The following CTDP1 variants were observed in gnomAD, a reference collection of about 807,000 sequenced individuals.
The protein encoded by CTDP1 is CTD phosphatase 1, also known as RNA polymerase II subunit A C-terminal domain phosphatase.
In CTDP1, 47 loss-of-function variants were observed where a neutral mutation model predicts 91.8. That is an observed-to-expected ratio of 0.51 (90% confidence interval 0.41 to 0.65). The LOEUF (loss-of-function observed/expected upper bound fraction) is 0.65, where lower values mean the gene tolerates loss of function less well. CTDP1 is among the 30% of genes least tolerant of loss of function. The pLI, the probability that CTDP1 is intolerant of heterozygous loss-of-function variation, is 0.00. For synonymous variants in CTDP1, 656 were observed against 598.5 expected, an observed-to-expected ratio of 1.10 and a Z score of -1.40; for missense variants, 1,272 against 1,373.7, an observed-to-expected ratio of 0.93 and a Z score of 1.17.
In CTDP1 at chr18:79,715,187, TGGA is replaced by T. The variant is rs3833180; in HGVS notation, c.1746_1748del (p.Glu582del). 112 of 1,602,662 alleles carry T rather than the reference TGGA, an allele frequency of 7.0e-5. No individual in the cohort carries two copies. The highest frequency in any genetic ancestry group is 3.1e-4 in the Admixed American group (18 of 58,848). On this transcript the variant is annotated inframe_deletion, in exon 8 of 13. Coordinates refer to ENST00000613122, the MANE Select transcript of CTDP1 (RefSeq NM_004715.5). ...GCGGGTGAGTCCCTGGACCAGAGCATGGAGGAGGAGGAGGAGGAGGACACGGAT... is the reference window on the plus strand; with the variant it reads ...GCGGGTGAGTCCCTGGACCAGAGCATGGAGGAGGAGGAGGAGGACACGGAT...
chr18:79,738,924 C>G (rs2086720700), intron 12 of CTDP1, among the ~76,000 whole-genome samples: 1 of 152,234 alleles, frequency 6.6e-6, no homozygotes, highest in East Asian at 1.9e-4. Flanking sequence ...CTTGGTTCTT[C>G]CCACATGAAT....
chr18:79,741,476 T>A (rs2086776970), intron 12 of CTDP1, among the ~76,000 whole-genome samples: 2 of 152,260 alleles, frequency 1.3e-5, no homozygotes, highest in African/African-American at 4.8e-5. Flanking sequence ...GGCAAGAAGA[T>A]GAGCTGGTCG....
intron 10 of CTDP1, among the ~76,000 whole-genome samples, chr18:79,722,926 C>T (rs1328516296): frequency 2.0e-5 from 3 of 152,190 alleles, no homozygotes; most frequent in Non-Finnish European, 4.4e-5. Context: ...AGGCCTCCAT[C>T]TTGGAGGAAC....
intron 5 of CTDP1, among the ~76,000 whole-genome samples, chr18:79,706,755 C>T (rs1046047364): frequency 2.0e-5 from 3 of 152,182 alleles, no homozygotes; most frequent in Admixed American, 1.3e-4. Flanking sequence ...CAGGATTGTT[C>T]GGTGAGGGAG....
At chr18:79,687,888 C>T (rs1202397579) in intron 1 of CTDP1, among the ~76,000 whole-genome samples, 5 of 152,190 alleles carry the variant, frequency 3.3e-5, no homozygotes, top group Admixed American at 2.6e-4. Context: ...TGGTGTGGTG[C>T]ACGTGGTGCC....
chr18:79,719,075 C>T (rs1204966957), intron 10 of CTDP1, among the ~76,000 whole-genome samples: 1 of 152,220 alleles, frequency 6.6e-6, no homozygotes, highest in South Asian at 2.1e-4. Context: ...AGCTCCCGAA[C>T]CTGGGTGGAC....
At chr18:79,724,160 T>G (rs1190061515) in intron 10 of CTDP1, among the ~76,000 whole-genome samples, 1 of 152,232 alleles carries the variant, frequency 6.6e-6, no homozygotes, top group Non-Finnish European at 1.5e-5. Context: ...AAGGAAGTGC[T>G]CATCAGAGCA....
chr18:79,679,472 G>A (rs1332234235), upstream of CTDP1: 7 of 456,370 alleles, frequency 1.5e-5, no homozygotes, highest in Admixed American at 1.4e-4. Flanking sequence ...GTCTCAGCGC[G>A]TGATGGGGTA....
intron 10 of CTDP1, among the ~76,000 whole-genome samples, chr18:79,726,535 G>C (rs1386261364): frequency 6.6e-6 from 1 of 151,976 alleles, no homozygotes; most frequent in Non-Finnish European, 1.5e-5. Flanking sequence ...ATACTGGATT[G>C]AAACCTGGAC....
intron 4 of CTDP1, among the ~76,000 whole-genome samples, chr18:79,704,254 G>A (rs2085917340): frequency 6.6e-6 from 1 of 152,256 alleles, no homozygotes; most frequent in Admixed American, 6.5e-5. Context: ...GGAGGGTCAG[G>A]CGGACATGCG....
chr18:79,677,999 C>G (rs942168437), upstream of CTDP1: 1 of 152,162 alleles, frequency 6.6e-6, no homozygotes, highest in African/African-American at 2.4e-5. Flanking sequence ...GAGCACCGCA[C>G]GTTTTCCCTT....
chr18:79,679,670 C>A, upstream of CTDP1: 1 of 522,738 alleles, frequency 1.9e-6, no homozygotes, highest in South Asian at 1.6e-5. Flanking sequence ...GGCTCAGGAA[C>A]GCAGTTCTTC....
intron 1 of CTDP1, among the ~76,000 whole-genome samples, chr18:79,681,279 G>C (rs1437989563): frequency 6.6e-6 from 1 of 152,192 alleles, no homozygotes; most frequent in Non-Finnish European, 1.5e-5. Context: ...CCCTCGGCAC[G>C]GGCACTCACT....
chr18:79,741,865 AATCTT>A (rs1219877342), intron 12 of CTDP1, among the ~76,000 whole-genome samples: 1 of 152,252 alleles, frequency 6.6e-6, no homozygotes, highest in Non-Finnish European at 1.5e-5. Context: ...TAAGAAAGAT[AATCTT>A]TAGGAGAGAG....
At chr18:79,726,323 CTG>C (rs1262534155) in intron 10 of CTDP1, among the ~76,000 whole-genome samples, 3 of 152,138 alleles carry the variant, frequency 2.0e-5, no homozygotes, top group Admixed American at 1.3e-4. Flanking sequence ...TATAAAATGT[CTG>C]TATCTTCTAT....
intron 1 of CTDP1, among the ~76,000 whole-genome samples, chr18:79,685,778 A>C (rs1013481520): frequency 3.9e-5 from 6 of 152,196 alleles, no homozygotes; most frequent in Non-Finnish European, 8.8e-5. Context: ...GTCGTCACCT[A>C]AGGGTCCGGT....
intron 10 of CTDP1, among the ~76,000 whole-genome samples, chr18:79,720,994 C>T (rs1212860225): frequency 6.6e-6 from 1 of 152,230 alleles, no homozygotes; most frequent in East Asian, 1.9e-4. Flanking sequence ...GGCTCAAGAA[C>T]AGCCGAATGA....
chr18:79,678,688 T>C (rs585571), upstream of CTDP1: 116,043 of 152,146 alleles, frequency 0.76, 44,513 homozygotes, highest in Middle Eastern at 0.79. Flanking sequence ...CTCAATTGTA[T>C]ATAAAATTTA....
chr18:79,718,831 C>T (rs542273285), intron 10 of CTDP1, among the ~76,000 whole-genome samples: 10 of 152,296 alleles, frequency 6.6e-5, no homozygotes, highest in South Asian at 4.1e-4. Flanking sequence ...CCCTGGAAGC[C>T]GTCTGACAGG....
Sources: gnomAD v4.1 joint callset for allele counts (sites outside exome capture counted in the v4.1 genomes callset) on GRCh38, gnomAD v4.1.1 for gene constraint, MANE v1.5 for transcripts, NCBI Gene and HGNC (gene_info 2026-07-23, HGNC 2026-07-21) for gene names.